Variants in CD83 observed in about 807,000 individuals in gnomAD.
CD83 encodes CD83 molecule, also known as CD83 antigen.
In CD83, 22 loss-of-function variants were observed where a neutral mutation model predicts 24.6. That is an observed-to-expected ratio of 0.90 (90% CI 0.64 to 1.28). The LOEUF is 1.28. CD83 is among the 50% of genes most tolerant of loss of function. The pLI, the probability that CD83 is intolerant of heterozygous loss-of-function variation, is 0.00. For synonymous variants in CD83, 101 were observed against 103.5 expected (o/e 0.98, Z 0.14); for missense variants, 253 against 252.8 (o/e 1.00, Z -0.01).
Position 14,135,285 on chromosome 6 carries a change from G to A in CD83, c.*49G>A. On this transcript the variant is annotated 3_prime_UTR_variant, in exon 5 of 5. Coordinates refer to ENST00000379153, the MANE Select transcript of CD83 (RefSeq NM_004233.4). ...TCCTGAAGCTGAGGCTCAGGGGTGTGCCTGTCTGTTACACTGGAGGAGAGA... is the reference window on the plus strand; with the variant it reads ...TCCTGAAGCTGAGGCTCAGGGGTGTACCTGTCTGTTACACTGGAGGAGAGA... 1 of 1,597,174 alleles carries A rather than the reference G, an allele frequency of 6.3e-7. No individual in the cohort carries two copies. Among genetic ancestry groups the A allele is most frequent in the Non-Finnish European group, 8.6e-7 (1 of 1,169,102 alleles).
upstream of CD83, chr6:14,117,588 CGACGGGGGCGGG>C (rs553086252): frequency 0.24 from 36,701 of 154,256 alleles, 3,799 homozygotes; most frequent in Middle Eastern, 0.32. The surrounding 1 kb of genome is among the most constrained non-coding windows in gnomAD (Gnocchi z 4.6). Flanking sequence ...GCGGCGGGTG[CGACGGGGGCGGG>C]GACGGGGGCG....
chr6:14,133,648 G>A lies in CD83; in HGVS notation c.383-1G>A, dbSNP rs973241483. Reference sequence around the variant, plus strand: ...TTCACATGTCGCTTACTTTTTTAAAGGATGCCCTGCACAGCGTAAAGAAGA... The same window carrying A: ...TTCACATGTCGCTTACTTTTTTAAAAGATGCCCTGCACAGCGTAAAGAAGA... On this transcript the variant is annotated splice_acceptor_variant, in intron 3 of 4. Coordinates refer to ENST00000379153, the MANE Select transcript of CD83 (RefSeq NM_004233.4). LOFTEE classifies it high-confidence loss of function. 12 of 1,580,176 alleles carry A rather than the reference G, an allele frequency of 7.6e-6. No homozygotes were observed. The highest frequency in any genetic ancestry group is 9.5e-6 in the Non-Finnish European group (11 of 1,162,844).
At chr6:14,122,127 G>A (rs1404863765) in intron 2 of CD83, among the ~76,000 whole-genome samples, 1 of 152,146 alleles carries the variant, frequency 6.6e-6, no homozygotes, top group East Asian at 1.9e-4. Context: ...GGAAGTAAGA[G>A]TGTGACTTCA....
At chr6:14,134,235 C>T (rs1017354645) in intron 4 of CD83, among the ~76,000 whole-genome samples, 118 of 152,330 alleles carry the variant, frequency 7.7e-4, no homozygotes, top group African/African-American at 2.7e-3. Flanking sequence ...TATTTCTGCC[C>T]ATGCCTTAAG....
At chr6:14,126,570 A>G (rs754731859) in intron 2 of CD83, among the ~76,000 whole-genome samples, 4 of 152,358 alleles carry the variant, frequency 2.6e-5, no homozygotes, top group Non-Finnish European at 5.9e-5. Context: ...GTTAACAGCC[A>G]TAAATCCAGC....
At chr6:14,133,536 G>T in intron 3 of CD83, 113 bp from the exon 4 acceptor site, 1 of 687,604 alleles carries the variant, frequency 1.5e-6, no homozygotes. Flanking sequence ...TCCTGATGGT[G>T]GGAAGAGGAG....
At position 14,135,119 on chromosome 6, in the gene CD83, G is replaced by A; in HGVS notation, c.501G>A (p.Arg167=). The change falls in exon 5 of 5, where the codon CGG becomes CGA. Residue 167 remains arginine (R), a synonymous_variant. Transcript: ENST00000379153. ...TLIIFTCKFA[R]LQSIFPDFSK... ...TCATTTCTTTTTAGAAGTTTGCACGGCTACAGAGTATCTTCCCAGATTTTT... is the reference window on the plus strand; with the variant it reads ...TCATTTCTTTTTAGAAGTTTGCACGACTACAGAGTATCTTCCCAGATTTTT... The A allele has an allele frequency of 6.2e-7, 1 of 1,614,012 alleles. No homozygotes were observed. The highest frequency in any genetic ancestry group is 8.5e-7 in the Non-Finnish European group (1 of 1,179,964).
chr6:14,117,919 T>C lies in CD83; in HGVS notation c.38-31T>C. ...CACGACACCCCCTCCCGTCGGTCGC[T>C]TGCTCACGACGCGCTCTCTCTTTCT... On this transcript the variant is annotated intron_variant, in intron 1 of 4. Coordinates refer to ENST00000379153, the MANE Select transcript of CD83 (RefSeq NM_004233.4). The surrounding 1 kb of genome is among the most constrained non-coding windows in gnomAD (Gnocchi z 4.6). 2 of 1,592,204 alleles carry C rather than the reference T, an allele frequency of 1.3e-6. No individual in the cohort carries two copies. Among genetic ancestry groups the C allele is most frequent in the Non-Finnish European group, 1.7e-6 (2 of 1,171,986 alleles).
intron 2 of CD83, among the ~76,000 whole-genome samples, chr6:14,120,270 C>T (rs1759642243): frequency 6.6e-6 from 1 of 152,076 alleles, no homozygotes; most frequent in Non-Finnish European, 1.5e-5. Flanking sequence ...TCAGCATGTT[C>T]TGTAGATACT....
chr6:14,118,952 A>G (rs1001170359), intron 2 of CD83, among the ~76,000 whole-genome samples: 7 of 152,194 alleles, frequency 4.6e-5, no homozygotes, highest in Admixed American at 3.3e-4. Flanking sequence ...CTGTCTTACC[A>G]CGGGGGCAAA....
rs952555669 is a variant in CD83 at position 14,136,173 on chromosome 6, A to G, written c.*937A>G. ...AACCACAAGGCTGTTGCATGGGCTA[A>G]TGAAGATCATATACGTGAAAATTAT... On this transcript the variant is annotated 3_prime_UTR_variant, in exon 5 of 5. Coordinates refer to ENST00000379153, the MANE Select transcript of CD83 (RefSeq NM_004233.4). 2.6e-5 allele frequency: 4 copies of G among 152,272 alleles called. No homozygotes were observed. Among genetic ancestry groups the G allele is most frequent in the Non-Finnish European group, 5.9e-5 (4 of 68,050 alleles). 9.4% of individuals were successfully genotyped at this position (152,272 alleles called of 1,614,324 possible).
intron 2 of CD83, among the ~76,000 whole-genome samples, chr6:14,123,051 T>C (rs952647260): frequency 1.3e-5 from 2 of 152,044 alleles, no homozygotes; most frequent in African/African-American, 4.8e-5. Flanking sequence ...CTTTATCCTT[T>C]TGGCAGTAAG....
Position 14,131,699 on chromosome 6 carries a change from C to T in CD83, c.333C>T (p.Asp111=), listed in dbSNP as rs755158788. The T allele has an allele frequency of 6.2e-7, 1 of 1,614,060 alleles. No homozygotes were observed. The change falls in exon 3 of 5, where the codon GAC becomes GAT. Residue 111 remains aspartate, a synonymous_variant. Transcript: ENST00000379153. ...NSGTYRCTLQ[D]PDGQRNLSGK... is the part of the protein sequence containing the mutation. Reference sequence around the variant, plus strand: ...GGACATACAGGTGCACTCTGCAGGACCCGGATGGGCAGAGAAACCTAAGTG... The same window carrying T: ...GGACATACAGGTGCACTCTGCAGGATCCGGATGGGCAGAGAAACCTAAGTG...
chr6:14,129,833 C>CTCTGTGTGTGTGTGTGTG lies in CD83; in HGVS notation c.154-1686_154-1685insCTGTGTGTGTGTGTGTGT, dbSNP rs367556018. Among the ~76,000 whole-genome samples the CTCTGTGTGTGTGTGTGTG allele has an allele frequency of 3.4e-5, 5 of 147,708 alleles. No homozygotes were observed. Among genetic ancestry groups the CTCTGTGTGTGTGTGTGTG allele is most frequent in the African/African-American group, 1.2e-4 (5 of 40,272 alleles). On this transcript the variant is annotated intron_variant, in intron 2 of 4. Transcript: ENST00000379153. This position sits in a 1 kb window ranked among gnomAD's most constrained non-coding sequence, Gnocchi z 4.3. Reference sequence around the variant, plus strand: ...GAATTAATAAATGAAGCAGAAATGACTGTGTGTGTGTGTGTGTGTGTGTGT... The same window carrying CTCTGTGTGTGTGTGTGTG: ...GAATTAATAAATGAAGCAGAAATGACTCTGTGTGTGTGTGTGTGTGTGTGTGTGTGTGTGTGTGTGTGT...
At chr6:14,119,400 A>G (rs1252551449) in intron 2 of CD83, among the ~76,000 whole-genome samples, 4 of 152,236 alleles carry the variant, frequency 2.6e-5, no homozygotes, top group Non-Finnish European at 5.9e-5. Flanking sequence ...TATTGTAAAA[A>G]CAATTTTTGA....
chr6:14,124,134 C>T (rs774208133), intron 2 of CD83, among the ~76,000 whole-genome samples: 28 of 152,180 alleles, frequency 1.8e-4, no homozygotes, highest in Admixed American at 4.6e-4. Context: ...TTGTTTTGCA[C>T]TGAGGTGTAT....
rs1757901262 is a variant in CD83 at position 14,131,577 on chromosome 6, C to CA, written c.212dup (p.His72AlafsTer16). Reference sequence around the variant, plus strand: ...ACCCCAGGAAGACCACCTCAGGGGACAGCACTATCATCAGAAGGGGCAAAA... The same window carrying CA: ...ACCCCAGGAAGACCACCTCAGGGGACAAGCACTATCATCAGAAGGGGCAAAA... On this transcript the variant is annotated frameshift_variant, in exon 3 of 5. Transcript: ENST00000379153. LOFTEE classifies it high-confidence loss of function. 1 of 1,614,004 alleles carries CA rather than the reference C, an allele frequency of 6.2e-7. No individual in the cohort carries two copies. Among genetic ancestry groups the CA allele is most frequent in the Non-Finnish European group, 8.5e-7 (1 of 1,180,020 alleles).
chr6:14,131,013 A>T (rs853358), intron 2 of CD83, among the ~76,000 whole-genome samples: 46,687 of 152,158 alleles, frequency 0.31, 8,228 homozygotes, highest in African/African-American at 0.48. Flanking sequence ...GACTGTTCGC[A>T]GGAGGCGTTG....
At chr6:14,118,901 AT>A (rs1759606958) in intron 2 of CD83, among the ~76,000 whole-genome samples, 1 of 152,228 alleles carries the variant, frequency 6.6e-6, no homozygotes, top group African/African-American at 2.4e-5. Context: ...ACCCAAATGA[AT>A]ATGATATTAC....
Sources: gnomAD v4.1 joint callset for allele counts (sites outside exome capture counted in the v4.1 genomes callset) on GRCh38, gnomAD v4.1.1 for gene constraint, Gnocchi (gnomAD v3.1) non-coding constraint, MANE v1.5 for transcripts, NCBI Gene and HGNC (gene_info 2026-07-23, HGNC 2026-07-21) for gene names.